Variants in HCN1 observed in about 807,000 individuals in gnomAD.
HCN1 encodes hyperpolarization activated cyclic nucleotide gated potassium channel 1, also known as potassium/sodium hyperpolarization-activated cyclic nucleotide-gated channel 1.
A neutral mutation model predicts 78.9 loss-of-function variants in HCN1; 13 were observed. The observed-to-expected ratio is 0.16, with a 90% CI of 0.11 to 0.26. The LOEUF (loss-of-function observed/expected upper bound fraction) is 0.26. Among genes scored for constraint, HCN1 ranks in the 10% least tolerant of loss-of-function variants. HCN1 has a pLI of 1.00. For missense variants in HCN1, 810 were observed against 1,154.3 expected, an observed-to-expected ratio of 0.70 and a Z score of 4.32; for synonymous variants, 552 against 455.5, an observed-to-expected ratio of 1.21 and a Z score of -2.70.
chr5:45,603,990 AG>A (rs1357249236), intron 2 of HCN1, among the ~76,000 whole-genome samples: 1 of 152,106 alleles, frequency 6.6e-6, no homozygotes, highest in African/African-American at 2.4e-5. Context: ...GTAGATCATG[AG>A]TAGATAATAT....
intron 2 of HCN1, among the ~76,000 whole-genome samples, chr5:45,506,681 T>C (rs1019734614): frequency 6.6e-6 from 1 of 152,150 alleles, no homozygotes; most frequent in Non-Finnish European, 1.5e-5. Flanking sequence ...TATTCATGAC[T>C]AGGAAAGGCT....
At chr5:45,558,499 GA>G (rs1289721168) in intron 2 of HCN1, 12 of 152,160 alleles carry the variant, frequency 7.9e-5, no homozygotes, top group Non-Finnish European at 1.5e-4. Context: ...CAATGTAAAT[GA>G]AAGAGGCTTA....
chr5:45,319,365 T>C (rs1317233144), intron 5 of HCN1, among the ~76,000 whole-genome samples: 2 of 152,008 alleles, frequency 1.3e-5, no homozygotes, highest in Non-Finnish European at 2.9e-5. Context: ...GATTTTATCA[T>C]TTAGCCATTG....
chr5:45,690,075 T>C (rs1037727982), intron 1 of HCN1, among the ~76,000 whole-genome samples: 6 of 152,112 alleles, frequency 3.9e-5, no homozygotes, highest in Admixed American at 1.3e-4. Flanking sequence ...GGTGCGAAGA[T>C]GTTTGTTGCA....
chr5:45,312,122 T>C (rs1745862277), intron 5 of HCN1, among the ~76,000 whole-genome samples: 1 of 152,242 alleles, frequency 6.6e-6, no homozygotes, highest in African/African-American at 2.4e-5. Context: ...CCAAATGGAA[T>C]GGTTGTTTCA....
chr5:45,267,424 C>T (rs542502254), intron 6 of HCN1, among the ~76,000 whole-genome samples, 171 bp from the exon 7 acceptor site: 1 of 151,584 alleles, frequency 6.6e-6, no homozygotes, highest in East Asian at 1.9e-4. Context: ...ACTGCCAATA[C>T]TCAATCTTAA....
intron 2 of HCN1, among the ~76,000 whole-genome samples, chr5:45,471,148 C>T (rs1741382623): frequency 6.6e-6 from 1 of 151,868 alleles, no homozygotes; most frequent in Non-Finnish European, 1.5e-5. Context: ...TTTCCCCAAA[C>T]ATAGGTTTAA....
intron 2 of HCN1, among the ~76,000 whole-genome samples, chr5:45,535,149 AT>A (rs1018552494): frequency 6.6e-6 from 1 of 152,252 alleles, no homozygotes; most frequent in Admixed American, 6.5e-5. Flanking sequence ...AAGTAAAAAA[AT>A]AAATCAGTGC....
At chr5:45,522,927 A>G (rs565218671) in intron 2 of HCN1, among the ~76,000 whole-genome samples, 16 of 152,054 alleles carry the variant, frequency 1.1e-4, no homozygotes, top group Admixed American at 3.3e-4. Flanking sequence ...TTACATATGT[A>G]TACATGTGCC....
At chr5:45,282,907 C>G (rs139362577) in intron 6 of HCN1, among the ~76,000 whole-genome samples, 149 of 152,202 alleles carry the variant, frequency 9.8e-4, no homozygotes, top group East Asian at 6.7e-3. Context: ...GTTGAGTTGA[C>G]ATGTTTGTCT....
chr5:45,510,181 A>T (rs1488975586), intron 2 of HCN1, among the ~76,000 whole-genome samples: 1 of 152,136 alleles, frequency 6.6e-6, no homozygotes, highest in Non-Finnish European at 1.5e-5. Flanking sequence ...CTCCAGAAGC[A>T]TATATGAAGG....
Position 45,332,157 on chromosome 5 carries a change from C to T in HCN1, c.1377+20943G>A, listed in dbSNP as rs1193293355. 1.3e-5 allele frequency among the ~76,000 whole-genome samples: 2 copies of T among 151,368 alleles called. 1 individual carries two copies. Among genetic ancestry groups the T allele is most frequent in the East Asian group, 3.9e-4 (2 of 5,134 alleles). Reference sequence around the variant, plus strand: ...GATGCTAAATAGAAGCTTTACCTAGCACAGGCATCTTTCTAATCTTTTCTT... The same window carrying T: ...GATGCTAAATAGAAGCTTTACCTAGTACAGGCATCTTTCTAATCTTTTCTT... On this transcript the variant is annotated intron_variant, in intron 5 of 7. Transcript: ENST00000303230.
chr5:45,279,725 G>T (rs1745124118), intron 6 of HCN1, among the ~76,000 whole-genome samples: 1 of 151,852 alleles, frequency 6.6e-6, no homozygotes, highest in Admixed American at 6.6e-5. Context: ...ATTATTTTGA[G>T]AAAAATTGCA....
At chr5:45,433,653 T>C (rs1272865094) in intron 3 of HCN1, among the ~76,000 whole-genome samples, 1 of 152,218 alleles carries the variant, frequency 6.6e-6, no homozygotes, top group Non-Finnish European at 1.5e-5. Context: ...CAGCTGCTGA[T>C]GTATTTTTCT....
intron 5 of HCN1, among the ~76,000 whole-genome samples, chr5:45,352,571 T>C (rs1746931125): frequency 6.6e-6 from 1 of 152,050 alleles, no homozygotes; most frequent in African/African-American, 2.4e-5. Flanking sequence ...GAGCAAGTTA[T>C]TTTGGTCCAG....
chr5:45,309,913 C>CT (rs1745817258), intron 5 of HCN1, among the ~76,000 whole-genome samples: 1 of 152,008 alleles, frequency 6.6e-6, no homozygotes, highest in Non-Finnish European at 1.5e-5. Flanking sequence ...TCCTTTTCGA[C>CT]TTTTTGGAAA....
intron 2 of HCN1, among the ~76,000 whole-genome samples, chr5:45,618,754 G>A (rs575951083): frequency 1.3e-5 from 2 of 152,036 alleles, no homozygotes; most frequent in African/African-American, 4.8e-5. Flanking sequence ...ATAATTGATT[G>A]TATAGGTGAG....
At chr5:45,354,381 AAC>A (rs1271679392) in intron 4 of HCN1, among the ~76,000 whole-genome samples, 19 of 152,134 alleles carry the variant, frequency 1.2e-4, no homozygotes, top group Non-Finnish European at 2.5e-4. Context: ...AATAGTTGGT[AAC>A]ACAACTGGAT....
chr5:45,487,346 T>A (rs1280210638), intron 2 of HCN1, among the ~76,000 whole-genome samples: 2 of 152,102 alleles, frequency 1.3e-5, no homozygotes, highest in Non-Finnish European at 2.9e-5. Flanking sequence ...ATAGGAAGAA[T>A]AAAAGTTTTC....
Sources: gnomAD v4.1 joint callset for allele counts (sites outside exome capture counted in the v4.1 genomes callset) on GRCh38, gnomAD v4.1.1 for gene constraint, MANE v1.5 for transcripts, NCBI Gene and HGNC (gene_info 2026-07-23, HGNC 2026-07-21) for gene names.